The following ITIH5 variants were observed in gnomAD, a reference collection of about 807,000 sequenced individuals.
The protein encoded by ITIH5 is inter-alpha-trypsin inhibitor heavy chain 5.
ITIH5 carries 65 observed loss-of-function variants against 77.5 expected under a neutral mutation model. The observed-to-expected ratio is 0.84, with a 90% CI of 0.69 to 1.03. ITIH5 has a LOEUF of 1.03. ITIH5 is among the 50% of genes least tolerant of loss of function. The probability of loss-of-function intolerance (pLI) is 0.00; values close to 1 mark genes in which losing one functional copy is unlikely to be tolerated. For synonymous variants in ITIH5, 525 were observed against 494.3 expected (o/e 1.06, Z -0.82); for missense variants, 1,208 against 1,213.1 (o/e 1.00, Z 0.06).
chr10:7,570,772 G>T (rs1441680530), intron 11 of ITIH5, among the ~76,000 whole-genome samples: 1 of 152,102 alleles, frequency 6.6e-6, no homozygotes, highest in Non-Finnish European at 1.5e-5. Flanking sequence ...ACAGGCACGT[G>T]CCACCATGCC....
At chr10:7,584,101 A>T (rs2130972645) in intron 8 of ITIH5, among the ~76,000 whole-genome samples, 1 of 152,272 alleles carries the variant, frequency 6.6e-6, no homozygotes, top group African/African-American at 2.4e-5. Flanking sequence ...ATGGAGCTGG[A>T]TTCAAACCCA....
intron 7 of ITIH5, among the ~76,000 whole-genome samples, chr10:7,596,827 C>T (rs1393017351): frequency 6.6e-6 from 1 of 151,910 alleles, no homozygotes; most frequent in African/African-American, 2.4e-5. Context: ...GAAGGACGAT[C>T]ACCTGAGGTC....
chr10:7,666,728 G>T, intron 1 of ITIH5, 75 bp downstream of exon 1: 1 of 1,253,090 alleles, frequency 8.0e-7, no homozygotes, highest in Non-Finnish European at 1.1e-6. Context: ...GGCCCGGGCA[G>T]AAGCTCCGCG....
At chr10:7,609,734 G>A (rs911878619) in intron 7 of ITIH5, among the ~76,000 whole-genome samples, 2 of 152,220 alleles carry the variant, frequency 1.3e-5, no homozygotes, top group Admixed American at 6.5e-5. Context: ...AATTGGCACA[G>A]AGGGACACAG....
intron 1 of ITIH5, among the ~76,000 whole-genome samples, chr10:7,665,765 C>A (rs1834351702): frequency 6.6e-6 from 1 of 152,226 alleles, no homozygotes; most frequent in African/African-American, 2.4e-5. Context: ...AACTAAAGCC[C>A]AGCCTGTCTC....
intron 3 of ITIH5, among the ~76,000 whole-genome samples, chr10:7,641,140 C>A (rs1016322827): frequency 6.6e-6 from 1 of 152,196 alleles, no homozygotes; most frequent in Non-Finnish European, 1.5e-5. Flanking sequence ...CAACTTACAT[C>A]TGACCTGGGC....
intron 8 of ITIH5, among the ~76,000 whole-genome samples, chr10:7,581,119 G>A (rs1265387359): frequency 6.6e-6 from 1 of 152,094 alleles, no homozygotes; most frequent in Non-Finnish European, 1.5e-5. Context: ...AATTAGCCGG[G>A]CATGGTGGTA....
chr10:7,628,945 A>ATGTTATAGCGTGTATCCG (rs1833647696), intron 5 of ITIH5, among the ~76,000 whole-genome samples: 1 of 91,906 alleles, frequency 1.1e-5, no homozygotes, highest in African/African-American at 4.3e-5. Flanking sequence ...ACATGTGTCC[A>ATGTTATAGCGTGTATCCG]TGTTGTAGCG....
intron 5 of ITIH5, among the ~76,000 whole-genome samples, chr10:7,633,855 C>T (rs1470602840): frequency 2.6e-5 from 4 of 151,722 alleles, no homozygotes; most frequent in African/African-American, 9.7e-5. Flanking sequence ...TTTGGGAGGC[C>T]GAGGCGGGCG....
intron 9 of ITIH5, among the ~76,000 whole-genome samples, chr10:7,579,280 C>T (rs776260069): frequency 1.3e-5 from 2 of 152,230 alleles, no homozygotes; most frequent in Non-Finnish European, 2.9e-5. Flanking sequence ...AATCCCAGTA[C>T]TTTGGGAGGC....
chr10:7,566,224 C>A lies in ITIH5; in HGVS notation c.2333G>T (p.Ser778Ile). 1 of 1,613,850 alleles carries A rather than the reference C, an allele frequency of 6.2e-7. No homozygotes were observed. Among genetic ancestry groups the A allele is most frequent in the Non-Finnish European group, 8.5e-7 (1 of 1,179,870 alleles). The change falls in exon 13 of 14, where the codon AGT becomes ATT. Residue 778 changes from serine (S) to isoleucine (I), a missense_variant. Transcript: ENST00000397146. Reference sequence around the variant, plus strand: ...CAGCCCCCAGCTCCCCACCACCACACTCTGGTTGCAGGGGAGCACCAGTCT... The same window carrying A: ...CAGCCCCCAGCTCCCCACCACCACAATCTGGTTGCAGGGGAGCACCAGTCT... ...GDRLVLPCNQSVVVGSWGLEV... is the reference protein window; with the variant it reads ...GDRLVLPCNQIVVVGSWGLEV...
intron 7 of ITIH5, among the ~76,000 whole-genome samples, chr10:7,603,645 G>A (rs928429417): frequency 8.5e-5 from 13 of 152,084 alleles, no homozygotes; most frequent in African/African-American, 2.9e-4. Flanking sequence ...GTGCAGTGGC[G>A]CGATCTTGGC....
At chr10:7,639,978 G>T (rs1417365615) in intron 4 of ITIH5, among the ~76,000 whole-genome samples, 1 of 151,788 alleles carries the variant, frequency 6.6e-6, no homozygotes, top group Admixed American at 6.6e-5. Context: ...GATGGAAGAA[G>T]AAATAAAAGA....
chr10:7,574,442 T>A (rs563430757), intron 10 of ITIH5, among the ~76,000 whole-genome samples: 49 of 152,130 alleles, frequency 3.2e-4, no homozygotes, highest in Middle Eastern at 3.4e-3. Context: ...AATTAAAATT[T>A]AAATTTAAAA....
At chr10:7,566,540 C>T in intron 12 of ITIH5, 133 bp from the exon 13 acceptor site, 2 of 739,590 alleles carry the variant, frequency 2.7e-6, no homozygotes, top group Non-Finnish European at 2.2e-6. Flanking sequence ...CCAGCCTGGG[C>T]AACACAGAGA....
intron 5 of ITIH5, among the ~76,000 whole-genome samples, chr10:7,628,658 G>T (rs1342026864): frequency 2.0e-5 from 2 of 99,152 alleles, no homozygotes; most frequent in Admixed American, 9.7e-5. Flanking sequence ...ATGTTGTCTG[G>T]GTTGTCACAT....
chr10:7,641,354 C>T (rs552692096), intron 3 of ITIH5, among the ~76,000 whole-genome samples: 2 of 152,116 alleles, frequency 1.3e-5, no homozygotes, highest in Non-Finnish European at 2.9e-5. Context: ...GTCTGACTTG[C>T]CATCTTTATC....
chr10:7,597,970 C>T (rs912223517), intron 7 of ITIH5, among the ~76,000 whole-genome samples: 2 of 151,866 alleles, frequency 1.3e-5, no homozygotes, highest in African/African-American at 2.4e-5. Context: ...AACCAGTTCG[C>T]CATAATGTAT....
chr10:7,569,747 CA>C lies in ITIH5; in HGVS notation c.2069del (p.Leu690ArgfsTer31). The C allele has an allele frequency of 2.5e-6, 4 of 1,612,266 alleles. No individual in the cohort carries two copies. Among genetic ancestry groups the C allele is most frequent in the Non-Finnish European group, 3.4e-6 (4 of 1,179,354 alleles). ...GDPHFVVDFP[L>X]SRLTVCFNID... is the part of the protein sequence containing the mutation. ...TGTTGAAGCACACGGTGAGTCTGCT[CA>C]GGGGGAAATCCACAACAAAGTGGGG... On this transcript the variant is annotated frameshift_variant, in exon 12 of 14. Transcript: ENST00000397146. LOFTEE classifies it high-confidence loss of function.
Sources: gnomAD v4.1 joint callset for allele counts (sites outside exome capture counted in the v4.1 genomes callset) on GRCh38, gnomAD v4.1.1 for gene constraint, MANE v1.5 for transcripts, NCBI Gene and HGNC (gene_info 2026-07-23, HGNC 2026-07-21) for gene names.